ECPAS: variants seen among roughly 807,000 people sequenced by gnomAD.
ECPAS encodes Ecm29 proteasome adaptor and scaffold.
Under a neutral mutation model 255.1 loss-of-function variants are expected in ECPAS, and 70 were observed. The observed-to-expected ratio is 0.27, with a 90% confidence interval of 0.23 to 0.33. The LOEUF is 0.33. ECPAS is among the 10% of genes least tolerant of loss of function. The probability of loss-of-function intolerance (pLI) is 1.00; values close to 1 mark genes in which losing one functional copy is unlikely to be tolerated. For missense variants in ECPAS, 1,817 were observed against 2,206.4 expected (o/e 0.82, Z 3.54); for synonymous variants, 784 against 775.0 (o/e 1.01, Z -0.19).
chr9:111,444,238 T>TA (rs79373091), intron 4 of ECPAS, 140 bp downstream of exon 4: 114,350 of 477,246 alleles, frequency 0.24, 711 homozygotes, highest in East Asian at 0.32. Flanking sequence ...GTGTGTCATT[T>TA]AAAAAAAAAA....
intron 3 of ECPAS, among the ~76,000 whole-genome samples, chr9:111,445,535 T>C (rs1429972170): frequency 2.0e-5 from 3 of 151,764 alleles, no homozygotes; most frequent in African/African-American, 7.3e-5. Context: ...CCAAGCAGAG[T>C]ATCAGTTATA....
chr9:111,453,823 G>A (rs1056909280), intron 2 of ECPAS, among the ~76,000 whole-genome samples: 14 of 151,998 alleles, frequency 9.2e-5, no homozygotes, highest in African/African-American at 3.4e-4. Context: ...TGCTCAGGAC[G>A]TTCAAGATCA....
chr9:111,426,035 T>A (rs2098221061), intron 10 of ECPAS, among the ~76,000 whole-genome samples: 1 of 152,196 alleles, frequency 6.6e-6, no homozygotes. Context: ...CAATGGTTGA[T>A]CGCACAAGTC....
Position 111,360,895 on chromosome 9 carries a change from T to TTCTCGG in ECPAS, c.*1134_*1135insCCGAGA, listed in dbSNP as rs1235533678. 2 of 152,140 alleles carry TTCTCGG rather than the reference T, an allele frequency of 1.3e-5. No homozygotes were observed. Among genetic ancestry groups the TTCTCGG allele is most frequent in the Middle Eastern group, 3.2e-3 (1 of 316 alleles). The allele number at this position is 152,140 out of a possible 1,614,324, so 9.4% of individuals were successfully genotyped here. The stretch of plus-strand genomic sequence containing the variant: ...CTGGAATCCAAGGTAAGCTACAGAG[T>TTCTCGG]TCTCAGTTTACCATCAACACTAAGG... On this transcript the variant is annotated 3_prime_UTR_variant, in exon 50 of 50. Coordinates refer to ENST00000684092, the MANE Select transcript of ECPAS (RefSeq NM_001364929.1).
chr9:111,366,689 T>G, intron 46 of ECPAS, 62 bp from the exon 47 acceptor site: 1 of 1,026,364 alleles, frequency 9.7e-7, no homozygotes, highest in South Asian at 1.3e-5. Flanking sequence ...AGAGATGGAA[T>G]AAATGAGGGA....
At chr9:111,411,984 A>G (rs369990434) in intron 21 of ECPAS, 30 bp downstream of exon 21, 22 of 1,496,418 alleles carry the variant, frequency 1.5e-5, no homozygotes, top group Non-Finnish European at 1.9e-5. Flanking sequence ...CCTATCTCCC[A>G]CAAAAAAGAA....
chr9:111,430,504 A>G (rs1410969558), intron 9 of ECPAS, 43 bp downstream of exon 9: 1 of 1,234,550 alleles, frequency 8.1e-7, no homozygotes, highest in South Asian at 1.3e-5. Flanking sequence ...ATGTCAACAA[A>G]CTACTTTTTA....
At chr9:111,391,625 T>C (rs2098160363) in intron 29 of ECPAS, 131 bp downstream of exon 29, 1 of 620,118 alleles carries the variant, frequency 1.6e-6, no homozygotes. Context: ...ATGTAAGTTT[T>C]CTTCTTCCAC....
intron 4 of ECPAS, 57 bp from the exon 5 acceptor site, chr9:111,442,481 G>C: frequency 1.0e-6 from 1 of 1,000,012 alleles, no homozygotes; most frequent in Non-Finnish European, 1.5e-6. Flanking sequence ...TGATTTCAAT[G>C]AAAATATATG....
chr9:111,465,920 G>A (rs1240197951), intron 2 of ECPAS, among the ~76,000 whole-genome samples: 2 of 151,844 alleles, frequency 1.3e-5, no homozygotes, highest in Non-Finnish European at 2.9e-5. Context: ...TGTAGTGCCA[G>A]CTACACAGGG....
rs2098128388 is a variant in ECPAS at position 111,372,343 on chromosome 9, AGAG to A, written c.4528+83_4528+85del. ...ATTAAGGTCCTGGGAAAGTAACTTCAGAGGAGTTTATGAATAACGAATGCAAGT... is the reference window on the plus strand; with the variant it reads ...ATTAAGGTCCTGGGAAAGTAACTTCAGAGTTTATGAATAACGAATGCAAGT... On this transcript the variant is annotated intron_variant, in intron 42 of 49. Transcript: ENST00000684092. 2.4e-6 allele frequency: 3 copies of A among 1,231,072 alleles called. No homozygotes were observed. In the East Asian group the frequency reaches 7.0e-5, roughly 29 times the overall value. 76.3% of individuals were successfully genotyped at this position (1,231,072 alleles called of 1,614,324 possible).
chr9:111,376,657 G>A lies in ECPAS; in HGVS notation c.3955-116C>T, dbSNP rs192949045. 1.3e-3 allele frequency: 1,017 copies of A among 769,382 alleles called. 6 individuals are homozygous for A. Among genetic ancestry groups the A allele is most frequent in the Admixed American group, 2.4e-3 (105 of 43,612 alleles). The allele number at this position is 769,382 out of a possible 1,614,324, so 47.7% of individuals were successfully genotyped here. ...AAAGAACTTTAAAAAAAAATAATCC[G>A]TAGCTATAACAAAGGCAAACATCAA... On this transcript the variant is annotated intron_variant, in intron 36 of 49. Transcript: ENST00000684092.
chr9:111,366,489 C>G (rs763013381), intron 47 of ECPAS, 33 bp downstream of exon 47: 19 of 1,521,074 alleles, frequency 1.2e-5, no homozygotes, highest in Non-Finnish European at 1.7e-5. Flanking sequence ...CGGGGAGGAA[C>G]AAAATAAAAA....
intron 2 of ECPAS, among the ~76,000 whole-genome samples, chr9:111,467,216 G>C (rs542112159): frequency 8.3e-4 from 127 of 152,142 alleles, no homozygotes; most frequent in African/African-American, 2.4e-3. Flanking sequence ...AAAAAGAAGA[G>C]AAGAGATGAG....
chr9:111,412,728 A>G (rs1400608308), intron 20 of ECPAS, among the ~76,000 whole-genome samples: 1 of 152,198 alleles, frequency 6.6e-6, no homozygotes, highest in Non-Finnish European at 1.5e-5. Flanking sequence ...AAATCAGTCA[A>G]TATTCATAAG....
At position 111,372,605 on chromosome 9, in the gene ECPAS, G is replaced by T. The variant is rs563236216; in HGVS notation, c.4352C>A (p.Thr1451Asn). The change falls in exon 42 of 50, where the codon ACC becomes AAC. Residue 1451 changes from threonine (T) to asparagine (N), a missense_variant. Coordinates refer to ENST00000684092, the MANE Select transcript of ECPAS (RefSeq NM_001364929.1). Reference protein sequence around the residue: ...YMEKEEPIYKTSCALTIHAIG... With the variant: ...YMEKEEPIYKNSCALTIHAIG... ...AGCATGAATAGTCAAAGCACAAGAG[G>T]TCTTGTAGATAGGTTCTGAAAAGGA... is the stretch of plus-strand genomic sequence containing the variant. 8.1e-6 allele frequency: 13 copies of T among 1,610,562 alleles called. No individual in the cohort carries two copies. In the East Asian group the frequency reaches 2.0e-4, roughly 25 times the overall value.
At chr9:111,393,806 C>A in intron 26 of ECPAS, 72 bp from the exon 27 acceptor site, 1 of 1,091,960 alleles carries the variant, frequency 9.2e-7, no homozygotes, top group South Asian at 1.4e-5. Context: ...TTGCTCTCAC[C>A]GTGTACAAAA....
intron 37 of ECPAS, among the ~76,000 whole-genome samples, chr9:111,376,087 C>A (rs2098133112): frequency 6.6e-6 from 1 of 152,202 alleles, no homozygotes; most frequent in Admixed American, 6.5e-5. Context: ...TCTTCACATA[C>A]CTTTATGTTA....
rs780209039 is a variant in ECPAS, at chr9:111,442,433, A to G, written c.271-9T>C. The G allele has an allele frequency of 4.0e-6, 6 of 1,485,736 alleles. No individual in the cohort carries two copies. The highest frequency in any genetic ancestry group is 4.7e-6 in the Non-Finnish European group (5 of 1,072,032). 92.0% of individuals were successfully genotyped at this position (1,485,736 alleles called of 1,614,324 possible). On this transcript the variant is annotated splice_polypyrimidine_tract_variant and intron_variant, in intron 4 of 49. Transcript: ENST00000684092. ...TAAATTATAGTAAAATTCTAATGCA[A>G]TAAGAGAAAAGCAAGTGAGTGTGAA...
Sources: allele counts gnomAD v4.1 joint callset (sites outside exome capture counted in the v4.1 genomes callset), GRCh38; gene constraint gnomAD v4.1.1; transcripts MANE v1.5; gene names NCBI Gene and HGNC (gene_info 2026-07-23, HGNC 2026-07-21).